The following C4orf33 variants were observed in gnomAD, a reference collection of about 807,000 sequenced individuals.
C4orf33 encodes chromosome 4 open reading frame 33.
In C4orf33, 20 loss-of-function variants were observed where a neutral mutation model predicts 24.3. That is an observed-to-expected ratio of 0.82 (90% CI 0.58 to 1.19). The LOEUF is 1.19. C4orf33 is among the 50% of genes most tolerant of loss of function. The pLI is 0.00. For missense variants in C4orf33, 207 were observed against 225.9 expected, an observed-to-expected ratio of 0.92 and a Z score of 0.54; for synonymous variants, 67 against 76.4, an observed-to-expected ratio of 0.88 and a Z score of 0.64.
intron 1 of C4orf33, among the ~76,000 whole-genome samples, chr4:129,099,334 A>C (rs1753287075): frequency 6.6e-6 from 1 of 152,186 alleles, no homozygotes; most frequent in Admixed American, 6.5e-5. Flanking sequence ...ACCTGAAATA[A>C]GATGAGTGCT....
chr4:129,097,722 G>A (rs148369898), intron 1 of C4orf33, among the ~76,000 whole-genome samples: 1,588 of 152,316 alleles, frequency 0.01, 32 homozygotes, highest in African/African-American at 0.036. Context: ...AAGGATAGTT[G>A]CATTTTTATT....
chr4:129,106,791 T>G, intron 3 of C4orf33, 144 bp downstream of exon 3: 1 of 500,466 alleles, frequency 2.0e-6, no homozygotes, highest in Non-Finnish European at 3.6e-6. Flanking sequence ...TTTTATATAT[T>G]TCTTAGTTTC....
At position 129,113,199 on chromosome 4, in the gene C4orf33, G is replaced by A. The variant is rs1398770831; in HGVS notation, c.*1408G>A. ...ACAATATAAAATACTGAATTTGAAT[G>A]TTGTAGCTTGTGAGCTTTCTCAAAT... On this transcript the variant is annotated 3_prime_UTR_variant, in exon 6 of 6. Transcript: ENST00000425929. The A allele has an allele frequency of 6.6e-6, 1 of 152,158 alleles. No homozygotes were observed. The highest frequency in any genetic ancestry group is 1.5e-5 in the Non-Finnish European group (1 of 68,014). The allele number at this position is 152,158 out of a possible 1,614,324, so 9.4% of individuals were successfully genotyped here. A position where few individuals can be genotyped will look rare whatever the true frequency, so the allele number is the denominator to read the frequency against.
chr4:129,115,831 A>ATATATATGTTTATATATAACATATATAT lies in C4orf33; in HGVS notation c.*4040_*4041insTATATATGTTTATATATAACATATATAT, dbSNP rs1561095059. The ATATATATGTTTATATATAACATATATAT allele has an allele frequency of 2.3e-5, 1 of 43,734 alleles. No homozygotes were observed. The highest frequency in any genetic ancestry group is 5.8e-5 in the African/African-American group (1 of 17,208). 2.7% of individuals were successfully genotyped at this position (43,734 alleles called of 1,614,324 possible). ...ATATATATATATATATATATATATAAAATATATATGTTTATATATAACATA... is the reference window on the plus strand; with the variant it reads ...ATATATATATATATATATATATATAATATATATGTTTATATATAACATATATATAATATATATGTTTATATATAACATA... On this transcript the variant is annotated 3_prime_UTR_variant, in exon 6 of 6. Coordinates refer to ENST00000425929, the MANE Select transcript of C4orf33 (RefSeq NM_001099783.2).
chr4:129,093,954 T>G (rs777042116), upstream of C4orf33: 9 of 152,372 alleles, frequency 5.9e-5, no homozygotes, highest in Non-Finnish European at 8.8e-5. Context: ...GAAGCCAGAC[T>G]GGCGTCTTCA....
Position 129,113,744 on chromosome 4 carries a change from T to TA in C4orf33, c.*1956dup. 6.7e-6 allele frequency: 1 copy of TA among 148,910 alleles called. No homozygotes were observed. Among genetic ancestry groups the TA allele is most frequent in the East Asian group, 2.0e-4 (1 of 4,998 alleles). The allele number at this position is 148,910 out of a possible 1,614,324, so 9.2% of individuals were successfully genotyped here. Reference sequence around the variant, plus strand: ...ATTTTTGGCTCCAAACTACTTTTTTTAAACGTTAAAAAGGTTTTTTGCCAC... The same window carrying TA: ...ATTTTTGGCTCCAAACTACTTTTTTTAAAACGTTAAAAAGGTTTTTTGCCAC... On this transcript the variant is annotated 3_prime_UTR_variant, in exon 6 of 6. Transcript: ENST00000425929.
rs1296761007 is a variant in C4orf33 at position 129,114,679 on chromosome 4, A to G, written c.*2888A>G. 1.3e-5 allele frequency: 2 copies of G among 152,168 alleles called. No individual in the cohort carries two copies. The highest frequency in any genetic ancestry group is 2.9e-5 in the Non-Finnish European group (2 of 68,028). 9.4% of individuals were successfully genotyped at this position (152,168 alleles called of 1,614,324 possible). On this transcript the variant is annotated 3_prime_UTR_variant, in exon 6 of 6. Coordinates refer to ENST00000425929, the MANE Select transcript of C4orf33 (RefSeq NM_001099783.2). Reference sequence around the variant, plus strand: ...TTGTTGGTGGTAATGGCTCTGCTATAAGTAACTTCACAGTTATTAAAACAG... The same window carrying G: ...TTGTTGGTGGTAATGGCTCTGCTATGAGTAACTTCACAGTTATTAAAACAG...
rs943626258 is a variant in C4orf33, at chr4:129,112,440, A to G, written c.*649A>G. The G allele has an allele frequency of 2.0e-5, 3 of 152,232 alleles. No homozygotes were observed. The highest frequency in any genetic ancestry group is 4.8e-5 in the African/African-American group (2 of 41,462). The allele number at this position is 152,232 out of a possible 1,614,324, so 9.4% of individuals were successfully genotyped here. ...AAACTAATATTTGATGATAGATACC[A>G]GAACAGTGGCTGCTTAGAGTGAGGG... On this transcript the variant is annotated 3_prime_UTR_variant, in exon 6 of 6. Transcript: ENST00000425929.
intron 2 of C4orf33, among the ~76,000 whole-genome samples, chr4:129,105,909 T>C (rs1580012648): frequency 6.6e-6 from 1 of 152,176 alleles, no homozygotes; most frequent in African/African-American, 2.4e-5. Context: ...TATGCAGTCA[T>C]TAACATTTTT....
chr4:129,111,045 A>C (rs1428102589), intron 5 of C4orf33, among the ~76,000 whole-genome samples: 1 of 152,168 alleles, frequency 6.6e-6, no homozygotes, highest in Admixed American at 6.5e-5. Flanking sequence ...CATTATTTGG[A>C]AGCTTATCTT....
intron 2 of C4orf33, among the ~76,000 whole-genome samples, chr4:129,103,626 A>C (rs1021387498): frequency 6.6e-6 from 1 of 152,202 alleles, no homozygotes; most frequent in Admixed American, 6.5e-5. Flanking sequence ...AAGCTATCAG[A>C]TTCATCTTTC....
Position 129,112,100 on chromosome 4 carries a change from T to C in C4orf33, c.*309T>C, listed in dbSNP as rs1489215235. ...GTGAAAAAGGGGGAACAATTGAGGT[T>C]GTCCAAGGCCACCTAGAGGACTGTC... On this transcript the variant is annotated 3_prime_UTR_variant, in exon 6 of 6. Transcript: ENST00000425929. 1.0e-5 allele frequency: 2 copies of C among 196,870 alleles called. No individual in the cohort carries two copies. The highest frequency in any genetic ancestry group is 1.0e-5 in the Non-Finnish European group (1 of 97,004). 12.2% of individuals were successfully genotyped at this position (196,870 alleles called of 1,614,324 possible).
rs995403196 is a variant in C4orf33 at position 129,102,622 on chromosome 4, A to G, written c.12A>G (p.Lys4=). 6.9e-6 allele frequency: 11 copies of G among 1,605,726 alleles called. No homozygotes were observed. Among genetic ancestry groups the G allele is most frequent in the Non-Finnish European group, 8.5e-6 (10 of 1,177,324 alleles). Residue 4 remains lysine, a synonymous_variant, in exon 2 of 6, where the codon AAA becomes AAG. Transcript: ENST00000425929. ...TTTAGAGACTTCAGATGGATTTTAA[A>G]ATTGAACACACTTGGGATGGTTTTC... MDF[K]IEHTWDGFPV...
At chr4:129,099,807 G>T (rs1276474223) in intron 1 of C4orf33, among the ~76,000 whole-genome samples, 1 of 152,050 alleles carries the variant, frequency 6.6e-6, no homozygotes, top group East Asian at 1.9e-4. Context: ...TCTAGTTTAT[G>T]TTAGTTTTAA....
chr4:129,111,381 A>G (rs148029574), intron 5 of C4orf33, among the ~76,000 whole-genome samples: 2 of 152,234 alleles, frequency 1.3e-5, no homozygotes, highest in African/African-American at 4.8e-5. Context: ...CAAGAGCATA[A>G]TATGATTTGT....
intron 5 of C4orf33, chr4:129,110,225 G>A (rs913394195): frequency 6.4e-6 from 1 of 155,386 alleles, no homozygotes; most frequent in Non-Finnish European, 1.4e-5. Flanking sequence ...GATGGAGACA[G>A]CATGGCTTTG....
intron 5 of C4orf33, among the ~76,000 whole-genome samples, chr4:129,110,382 G>A (rs777221992): frequency 6.6e-6 from 1 of 152,124 alleles, no homozygotes; most frequent in Non-Finnish European, 1.5e-5. Flanking sequence ...TTGTTTCCTT[G>A]CACCTGTAGC....
At chr4:129,105,483 A>G (rs927095234) in intron 2 of C4orf33, among the ~76,000 whole-genome samples, 8 of 152,238 alleles carry the variant, frequency 5.3e-5, no homozygotes, top group Admixed American at 4.6e-4. Context: ...CACAGTAGAC[A>G]TTCTAATTTG....
At chr4:129,109,283 C>A in intron 3 of C4orf33, 24 bp from the exon 4 acceptor site, 1 of 1,606,088 alleles carries the variant, frequency 6.2e-7, no homozygotes, top group South Asian at 1.1e-5. Context: ...TTCAAACACT[C>A]ATGAGGAATC....
Sources: gnomAD v4.1 joint callset for allele counts (sites outside exome capture counted in the v4.1 genomes callset) on GRCh38, gnomAD v4.1.1 for gene constraint, MANE v1.5 for transcripts, NCBI Gene and HGNC (gene_info 2026-07-23, HGNC 2026-07-21) for gene names.